The following ESPNL variants were observed in gnomAD, a reference collection of about 807,000 sequenced individuals.
ESPNL encodes the protein espin like.
Under a neutral mutation model 46.8 loss-of-function variants are expected in ESPNL, and 49 were observed. That is an observed-to-expected ratio of 1.05 (90% CI 0.83 to 1.33). The LOEUF is 1.33. Among genes scored for constraint, ESPNL ranks in the 40% most tolerant of loss-of-function variants. The pLI is 0.00. For synonymous variants in ESPNL, 664 were observed against 662.1 expected, an observed-to-expected ratio of 1.00 and a Z score of -0.04; for missense variants, 1,540 against 1,436.6, an observed-to-expected ratio of 1.07 and a Z score of -1.16.
At chr2:238,106,026 G>A (rs1691590035) in intron 3 of ESPNL, among the ~76,000 whole-genome samples, 1 of 152,140 alleles carries the variant, frequency 6.6e-6, no homozygotes, top group African/African-American at 2.4e-5. Flanking sequence ...TTTATGGGGG[G>A]AGCCGCCTGC....
In ESPNL at chr2:238,102,120, C is replaced by A. The variant is rs368060411; in HGVS notation, c.474C>A (p.Ala158=). ...GDLTCLKLLT[A]AHGSSVNRRT... is the part of the protein sequence containing the mutation. ...TGACCTGCCTCAAGCTCCTGACAGCCGCGCATGGCAGGTAAGGAGCCCAAA... is the reference window on the plus strand; with the variant it reads ...TGACCTGCCTCAAGCTCCTGACAGCAGCGCATGGCAGGTAAGGAGCCCAAA... The change falls in exon 2 of 9, where the codon GCC becomes GCA. Residue 158 remains alanine, a synonymous_variant. Coordinates refer to ENST00000343063, the MANE Select transcript of ESPNL (RefSeq NM_194312.4). 12 of 1,546,284 alleles carry A rather than the reference C, an allele frequency of 7.8e-6. No individual in the cohort carries two copies. The highest frequency in any genetic ancestry group is 9.6e-6 in the Non-Finnish European group (11 of 1,144,952).
intron 5 of ESPNL, among the ~76,000 whole-genome samples, chr2:238,123,750 T>C (rs568325021): frequency 1.3e-5 from 2 of 152,198 alleles, no homozygotes; most frequent in Admixed American, 6.5e-5. Context: ...GGGCTGGGGC[T>C]GGGCGGTTGC....
intron 7 of ESPNL, 58 bp from the exon 8 acceptor site, chr2:238,128,649 C>T: frequency 6.6e-7 from 1 of 1,509,026 alleles, no homozygotes; most frequent in Non-Finnish European, 9.0e-7. Flanking sequence ...TCGGATCTTC[C>T]CTCCACTCAG....
chr2:238,104,660 G>A lies in ESPNL; in HGVS notation c.490G>A (p.Val164Met), dbSNP rs368175214. 3.0e-5 allele frequency: 47 copies of A among 1,585,766 alleles called. No individual in the cohort carries two copies. Among genetic ancestry groups the A allele is most frequent in the Non-Finnish European group, 3.6e-5 (42 of 1,165,066 alleles). ...CAAACCCTCCCTTCCCTGCAGCAGC[G>A]TGAACCGGCGGACACGCAGTGGCGC... is the stretch of plus-strand genomic sequence containing the variant. The part of the protein sequence containing the change: ...KLLTAAHGSS[V>M]NRRTRSGASP... The change falls in exon 3 of 9, where the codon GTG (valine) becomes ATG (methionine). Residue 164 changes from valine to methionine, a missense_variant. Coordinates refer to ENST00000343063, the MANE Select transcript of ESPNL (RefSeq NM_194312.4).
chr2:238,101,045 A>T (rs2106462576), intron 1 of ESPNL, among the ~76,000 whole-genome samples: 1 of 152,270 alleles, frequency 6.6e-6, no homozygotes, highest in South Asian at 2.1e-4. Context: ...CTAGAAAGGG[A>T]TCCTTACAGA....
rs374078249 is a variant in ESPNL, at chr2:238,131,592, G to A, written c.2878G>A (p.Gly960Ser). ...PLPHAAVPCS[G>S]PEPTAQRLGS... ...GCCTCACGCCGCCGTCCCCTGCAGC[G>A]GCCCTGAGCCCACAGCACAGCGGCT... Residue 960 changes from glycine (G) to serine (S), a missense_variant, in exon 9 of 9, where the codon GGC (glycine) becomes AGC (serine). Gly to Ser is a moderately conservative substitution (Grantham distance 56). Coordinates refer to ENST00000343063, the MANE Select transcript of ESPNL (RefSeq NM_194312.4). 2.0e-5 allele frequency: 33 copies of A among 1,611,684 alleles called. No homozygotes were observed. The African/African-American group carries it at 2.5e-4, about 12-fold the overall frequency.
Position 238,130,971 on chromosome 2 carries a change from G to A in ESPNL, c.2257G>A (p.Ala753Thr). 1 of 1,548,544 alleles carries A rather than the reference G, an allele frequency of 6.5e-7. No homozygotes were observed. Among genetic ancestry groups the A allele is most frequent in the Non-Finnish European group, 8.7e-7 (1 of 1,147,298 alleles). Reference protein sequence around the residue: ...MLFLSHWRRSAYTPALKTVAC... With the variant: ...MLFLSHWRRSTYTPALKTVAC... ...CTTCCTCAGCCACTGGAGGAGATCG[G>A]CCTACACGCCGGCCCTCAAGACAGT... The change falls in exon 9 of 9, where the codon GCC becomes ACC. Residue 753 changes from alanine to threonine, a missense_variant. Coordinates refer to ENST00000343063, the MANE Select transcript of ESPNL (RefSeq NM_194312.4).
intron 5 of ESPNL, among the ~76,000 whole-genome samples, chr2:238,123,316 G>A (rs1692028883): frequency 1.3e-5 from 2 of 152,242 alleles, no homozygotes; most frequent in South Asian, 4.1e-4. Context: ...GGGCACTGGA[G>A]GGAGCAAAGA....
At chr2:238,118,798 T>A (rs1344325166) in intron 5 of ESPNL, among the ~76,000 whole-genome samples, 73 of 45,006 alleles carry the variant, frequency 1.6e-3, no homozygotes, top group African/African-American at 4.7e-3. Flanking sequence ...GGAGGGTGGA[T>A]GGAGGAGGAA....
rs1414733934 is a variant in ESPNL, at chr2:238,131,737, A to C, written c.*5A>C. The C allele has an allele frequency of 1.3e-6, 2 of 1,568,762 alleles. No individual in the cohort carries two copies. The highest frequency in any genetic ancestry group is 1.4e-5 in the African/African-American group (1 of 73,666). The stretch of plus-strand genomic sequence containing the variant: ...ATGTTCAACTTTGGAGAATGACCCT[A>C]CTGGCAGCCTGCTTTCCAGAATGTG... On this transcript the variant is annotated 3_prime_UTR_variant, in exon 9 of 9. Transcript: ENST00000343063.
Position 238,130,370 on chromosome 2 carries a change from C to A in ESPNL, c.1656C>A (p.Ser552Arg), listed in dbSNP as rs763064193. The A allele has an allele frequency of 6.2e-7, 1 of 1,611,000 alleles. No homozygotes were observed. The highest frequency in any genetic ancestry group is 1.1e-5 in the South Asian group (1 of 90,760). The change falls in exon 9 of 9, where the codon AGC becomes AGA. Residue 552 changes from serine to arginine, a missense_variant. Ser to Arg is a moderately radical substitution (Grantham distance 110, BLOSUM62 -1). Coordinates refer to ENST00000343063, the MANE Select transcript of ESPNL (RefSeq NM_194312.4). ...PEPLVSITVN[S>R]HFLPRAPGLE... The stretch of plus-strand genomic sequence containing the variant: ...CCCTGGTCAGCATCACGGTCAACAG[C>A]CACTTCCTGCCCCGGGCGCCCGGAC...
At chr2:238,101,912 C>CA (rs760906246) in intron 1 of ESPNL, 29 bp from the exon 2 acceptor site, 6 of 1,568,598 alleles carry the variant, frequency 3.8e-6, no homozygotes, top group African/African-American at 1.3e-5. Flanking sequence ...GCCTACCCCC[C>CA]ACTCACTGAC....
intron 8 of ESPNL, chr2:238,129,138 G>A (rs1281508671): frequency 7.1e-7 from 1 of 1,399,688 alleles, no homozygotes; most frequent in African/African-American, 1.5e-5. Context: ...CCTTCCACTT[G>A]GCGGATTTGT....
intron 2 of ESPNL, among the ~76,000 whole-genome samples, chr2:238,104,142 G>A (rs1192561101): frequency 6.6e-6 from 1 of 152,134 alleles, no homozygotes; most frequent in East Asian, 1.9e-4. Context: ...GAGGGTCTGG[G>A]ACAGGGTGGC....
At chr2:238,105,904 T>A (rs1012753649) in intron 3 of ESPNL, among the ~76,000 whole-genome samples, 6 of 152,038 alleles carry the variant, frequency 3.9e-5, no homozygotes, top group Non-Finnish European at 7.4e-5. Flanking sequence ...TCAGTCCAGC[T>A]CCTTCTCCAG....
intron 4 of ESPNL, 128 bp downstream of exon 4, chr2:238,108,101 C>A: frequency 1.1e-6 from 1 of 884,906 alleles, no homozygotes; most frequent in South Asian, 1.9e-5. Context: ...TAAACTGAGG[C>A]TCTAAGTGGC....
chr2:238,100,773 G>T, intron 1 of ESPNL, 60 bp downstream of exon 1: 1 of 1,361,806 alleles, frequency 7.3e-7, no homozygotes, highest in East Asian at 3.0e-5. Flanking sequence ...CCAGGGAGGT[G>T]TGAGCCACGG....
chr2:238,131,259 C>T lies in ESPNL; in HGVS notation c.2545C>T (p.Pro849Ser), dbSNP rs1484387879. 6.4e-7 allele frequency: 1 copy of T among 1,574,726 alleles called. No homozygotes were observed. The change falls in exon 9 of 9, where the codon CCC becomes TCC. Residue 849 changes from proline (P) to serine (S), a missense_variant. Pro to Ser is a moderately conservative substitution (Grantham distance 74). Transcript: ENST00000343063. ...FLPHVDGAPV[P>S]YSSLSLDLFM... ...GCCCCACGTGGACGGGGCTCCGGTG[C>T]CCTACAGCAGCCTCTCACTGGATCT...
chr2:238,111,537 A>G (rs1419603060), intron 4 of ESPNL, among the ~76,000 whole-genome samples: 3 of 152,338 alleles, frequency 2.0e-5, no homozygotes, highest in South Asian at 4.1e-4. Context: ...GGAATTGTAC[A>G]GTATTTATCC....
Sources: gnomAD v4.1 joint callset for allele counts (sites outside exome capture counted in the v4.1 genomes callset) on GRCh38, gnomAD v4.1.1 for gene constraint, MANE v1.5 for transcripts, NCBI Gene and HGNC (gene_info 2026-07-23, HGNC 2026-07-21) for gene names.